Variants in COMMD5 observed in about 807,000 individuals in gnomAD.
COMMD5 encodes COMM domain containing 5, also known as COMM domain-containing protein 5.
Under a neutral mutation model 6.9 loss-of-function variants are expected in COMMD5, and 10 were observed. That is an observed-to-expected ratio of 1.44 (90% CI 0.89 to 2.45). The LOEUF (loss-of-function observed/expected upper bound fraction) is 2.45. Ranked by LOEUF, COMMD5 falls within the 30% of genes most tolerant of loss-of-function variation. COMMD5 has a pLI of 0.00. For missense variants in COMMD5, 234 were observed against 287.8 expected (o/e 0.81, Z 1.35); for synonymous variants, 127 against 125.3 (o/e 1.01, Z -0.09).
intron 1 of COMMD5, among the ~76,000 whole-genome samples, chr8:144,844,709 C>CAAAAAAAAAAAAAA (rs71320849): frequency 2.3e-5 from 2 of 88,618 alleles, no homozygotes; most frequent in African/African-American, 8.4e-5. Context: ...GACTCTGTAT[C>CAAAAAAAAAAAAAA]AAAAAAAAAA....
At chr8:144,845,450 G>C (rs79538429), downstream of COMMD5, among the ~76,000 whole-genome samples, 1 of 152,078 alleles carries the variant, frequency 6.6e-6, no homozygotes, top group African/African-American at 2.4e-5. Context: ...TGGGGTTCTT[G>C]GCACATGCAG....
intron 1 of COMMD5, among the ~76,000 whole-genome samples, chr8:144,852,100 C>T (rs1830773148): frequency 7.4e-6 from 1 of 135,108 alleles, no homozygotes. Context: ...GAAATCGAGC[C>T]GCTGCACTCC....
downstream of COMMD5, among the ~76,000 whole-genome samples, chr8:144,845,342 G>A (rs1450762452): frequency 6.6e-5 from 10 of 152,006 alleles, no homozygotes; most frequent in African/African-American, 2.4e-4. Context: ...GGTGAGGAGT[G>A]AGCCTGCTCT....
downstream of COMMD5, among the ~76,000 whole-genome samples, chr8:144,840,372 G>T (rs773998681): frequency 1.7e-3 from 263 of 152,356 alleles, 2 homozygotes; most frequent in South Asian, 3.1e-3. Context: ...GTTAGGAGTG[G>T]GCAGGAACCG....
chr8:144,840,067 C>T (rs1735167), downstream of COMMD5, among the ~76,000 whole-genome samples: 57,800 of 152,120 alleles, frequency 0.38, 11,050 homozygotes, highest in South Asian at 0.5. Context: ...CCCAAGTAGC[C>T]GGGATTACAG....
chr8:144,839,404 C>G (rs1829556517), downstream of COMMD5, among the ~76,000 whole-genome samples: 1 of 152,238 alleles, frequency 6.6e-6, no homozygotes, highest in Non-Finnish European at 1.5e-5. Flanking sequence ...TCTGCTCAGT[C>G]TCCCTGAGAA....
intron 1 of COMMD5, among the ~76,000 whole-genome samples, chr8:144,851,949 G>A (rs1023773523): frequency 1.3e-5 from 2 of 152,080 alleles, no homozygotes; most frequent in Admixed American, 1.3e-4. Context: ...ACCAACCTGG[G>A]CATCATAGCA....
chr8:144,843,226 T>C (rs1341675386), intron 1 of COMMD5: 2 of 1,489,850 alleles, frequency 1.3e-6, no homozygotes, highest in East Asian at 2.3e-5. Context: ...AACTTACTTA[T>C]TTTATATGGA....
chr8:144,851,440 T>G (rs918115381), intron 1 of COMMD5, 45 bp from the exon 2 acceptor site: 22 of 1,337,286 alleles, frequency 1.6e-5, no homozygotes, highest in Non-Finnish European at 2.2e-5. Context: ...CTCACATCCT[T>G]TGGGCCAGCG....
At chr8:144,840,196 C>T (rs539340947), downstream of COMMD5, among the ~76,000 whole-genome samples, 6 of 152,338 alleles carry the variant, frequency 3.9e-5, no homozygotes, top group South Asian at 4.1e-4. Flanking sequence ...TGTGGTTGTG[C>T]AGGGAAAGCA....
At chr8:144,839,322 A>C (rs1315627421), downstream of COMMD5, among the ~76,000 whole-genome samples, 1 of 152,222 alleles carries the variant, frequency 6.6e-6, no homozygotes, top group African/African-American at 2.4e-5. Flanking sequence ...GGAAGTCTGC[A>C]TGTGATGTGT....
At chr8:144,851,834 CAGAG>C (rs921958938) in intron 1 of COMMD5, among the ~76,000 whole-genome samples, 5 of 152,134 alleles carry the variant, frequency 3.3e-5, no homozygotes, top group African/African-American at 9.7e-5. Flanking sequence ...TCTCACCTGA[CAGAG>C]AGGGAGATAA....
At chr8:144,842,534 A>G (rs753559832) in intron 1 of COMMD5, 1 of 1,614,146 alleles carries the variant, frequency 6.2e-7, no homozygotes, top group East Asian at 2.2e-5. Context: ...GAGTGTGGCA[A>G]AGGCTTTGTT....
chr8:144,839,548 T>A (rs192390203), downstream of COMMD5, among the ~76,000 whole-genome samples: 113 of 152,330 alleles, frequency 7.4e-4, 2 homozygotes, highest in East Asian at 0.02. Context: ...TTCAGTGGGT[T>A]TATATGTAGC....
chr8:144,850,981 G>C lies in COMMD5; in HGVS notation c.358C>G (p.Gln120Glu). 1 of 1,612,120 alleles carries C rather than the reference G, an allele frequency of 6.2e-7. No homozygotes were observed. The highest frequency in any genetic ancestry group is 2.2e-5 in the East Asian group (1 of 44,866). The stretch of plus-strand genomic sequence containing the variant: ...CTGGCCAAGTCCCCGACCAGGTCTT[G>C]GGGGATGCAGAGCTCCTGGAGCTGG... The part of the protein sequence containing the change: ...RDQLQELCIP[Q>E]DLVGDLASVV... Residue 120 changes from glutamine to glutamate, a missense_variant, in exon 2 of 2, where the codon CAA becomes GAA. Gln to Glu is a conservative substitution (Grantham distance 29). Transcript: ENST00000305103. This position sits in a 1 kb window ranked among gnomAD's most constrained non-coding sequence, Gnocchi z 4.0.
rs1269455529 is a variant in COMMD5, at chr8:144,851,137, C to G, written c.202G>C (p.Val68Leu). Residue 68 changes from valine (V) to leucine (L), a missense_variant, in exon 2 of 2, where the codon GTG (valine) becomes CTG (leucine). Val to Leu is a conservative substitution (Grantham distance 32). Coordinates refer to ENST00000305103, the MANE Select transcript of COMMD5 (RefSeq NM_014066.4). Reference protein sequence around the residue: ...SLQGEDCREAVQRLGVSANLP... With the variant: ...SLQGEDCREALQRLGVSANLP... ...TTGGCGCTGACCCCAAGACGCTGCA[C>G]AGCCTCTCGGCAGTCCTCCCCCTGC... 3.1e-6 allele frequency: 5 copies of G among 1,613,050 alleles called. No individual in the cohort carries two copies. In the African/African-American group the frequency reaches 5.3e-5, roughly 17 times the overall value.
rs762592348 is a variant in COMMD5, at chr8:144,841,756, A to G, written c.*117-13T>C. The G allele has an allele frequency of 3.1e-6, 5 of 1,614,148 alleles. No homozygotes were observed. The East Asian group carries it at 8.9e-5, about 29-fold the overall frequency. On this transcript the variant is annotated splice_polypyrimidine_tract_variant and intron_variant and NMD_transcript_variant, in intron 1 of 1. Coordinates refer to the COMMD5 transcript ENST00000530332. ...TTCAGATATCGCTCTGCATTGGGAAATTAATACACAGAAAATTAGCAGATG... is the reference window on the plus strand; with the variant it reads ...TTCAGATATCGCTCTGCATTGGGAAGTTAATACACAGAAAATTAGCAGATG...
At position 144,841,540 on chromosome 8, in the gene COMMD5, G is replaced by A. The variant is rs1350102788; in HGVS notation, c.*320C>T. Reference sequence around the variant, plus strand: ...GGGCAGTCCCGGGCTGAAAGTGACAGGCTTTACCTTCCAAAATAACTGTTT... The same window carrying A: ...GGGCAGTCCCGGGCTGAAAGTGACAAGCTTTACCTTCCAAAATAACTGTTT... On this transcript the variant is annotated 3_prime_UTR_variant and NMD_transcript_variant, in exon 2 of 2. Transcript: ENST00000530332. The A allele has an allele frequency of 6.2e-7, 1 of 1,614,048 alleles. No homozygotes were observed. Among genetic ancestry groups the A allele is most frequent in the African/African-American group, 1.3e-5 (1 of 74,918 alleles).
downstream of COMMD5, chr8:144,845,936 C>T: frequency 6.6e-7 from 1 of 1,526,226 alleles, no homozygotes; most frequent in Non-Finnish European, 8.8e-7. Flanking sequence ...TGGTCACCTT[C>T]AGGTCTAGCA....
Sources: allele counts gnomAD v4.1 joint callset (sites outside exome capture counted in the v4.1 genomes callset), GRCh38; gene constraint gnomAD v4.1.1; non-coding constraint Gnocchi (gnomAD v3.1); transcripts MANE v1.5; gene names NCBI Gene and HGNC (gene_info 2026-07-23, HGNC 2026-07-21).